TMEM132C: variants seen among roughly 807,000 people sequenced by gnomAD.
TMEM132C encodes transmembrane protein 132C.
A neutral mutation model predicts 61.4 loss-of-function variants in TMEM132C; 29 were observed. That is an observed-to-expected ratio of 0.47 (90% CI 0.35 to 0.64). TMEM132C has a LOEUF of 0.64. Among genes scored for constraint, TMEM132C ranks in the 30% least tolerant of loss-of-function variants. The pLI is 0.00. For synonymous variants in TMEM132C, 656 were observed against 633.1 expected (o/e 1.04, Z -0.54); for missense variants, 1,408 against 1,476.9 (o/e 0.95, Z 0.76).
chr12:128,553,741 C>T (rs946656780), intron 3 of TMEM132C, among the ~76,000 whole-genome samples: 6 of 152,166 alleles, frequency 3.9e-5, no homozygotes, highest in African/African-American at 1.4e-4. Context: ...ATTTCTAGTC[C>T]GAGTTTCTGC....
At chr12:128,672,555 C>T (rs1954542976) in intron 5 of TMEM132C, among the ~76,000 whole-genome samples, 1 of 152,112 alleles carries the variant, frequency 6.6e-6, no homozygotes, top group African/African-American at 2.4e-5. Context: ...CAGAAAATTG[C>T]CTCCTGAAAT....
intron 1 of TMEM132C, among the ~76,000 whole-genome samples, chr12:128,346,921 CTT>C (rs1873176797): frequency 1.3e-5 from 2 of 152,016 alleles, no homozygotes; most frequent in South Asian, 4.2e-4. Context: ...ATCAGGAACT[CTT>C]TTTATTTTAA....
In TMEM132C at chr12:128,495,354, G is replaced by T. The variant is rs185004596; in HGVS notation, c.975-48603G>T. 2.5e-3 allele frequency among the ~76,000 whole-genome samples: 382 copies of T among 152,134 alleles called. 2 individuals are homozygous for T. Among genetic ancestry groups the T allele is most frequent in the Non-Finnish European group, 4.5e-3 (304 of 67,996 alleles). On this transcript the variant is annotated intron_variant, in intron 2 of 8. Transcript: ENST00000435159. ...AGTTCTGTAGGTGTCTATTAGGTCC[G>T]CTTGGTGCAGAGCTGAGTTCAATTC...
At chr12:128,348,237 G>T (rs998503787) in intron 1 of TMEM132C, among the ~76,000 whole-genome samples, 1 of 152,106 alleles carries the variant, frequency 6.6e-6, no homozygotes, top group Non-Finnish European at 1.5e-5. Flanking sequence ...ATTTTGGATT[G>T]TTCATTGTAT....
Position 128,392,483 on chromosome 12 carries a change from T to A in TMEM132C, c.86-22249T>A, listed in dbSNP as rs1518377. 5.0e-3 allele frequency among the ~76,000 whole-genome samples: 757 copies of A among 151,478 alleles called. 9 individuals carry two copies. Among genetic ancestry groups the A allele is most frequent in the African/African-American group, 0.017 (716 of 41,234 alleles). ...TCTATTCCAGTTTCTCAAATAAGAT[T>A]TGAGTGTGAGAGAGCCTGACCCCAG... is the stretch of plus-strand genomic sequence containing the variant. On this transcript the variant is annotated intron_variant, in intron 1 of 8. Transcript: ENST00000435159.
At position 128,415,323 on chromosome 12, in the gene TMEM132C, T is replaced by C; in HGVS notation, c.677T>C (p.Val226Ala). ...ATGGACCAGCCGGAGGGGACCCCTG[T>C]GGAGCTCTACTACACCGTGCACCCA... ...KSMDQPEGTP[V>A]ELYYTVHPGN... The change falls in exon 2 of 9, where the codon GTG becomes GCG. Residue 226 changes from valine to alanine, a missense_variant. By Grantham distance (64) the Val-to-Ala change is moderately conservative. Coordinates refer to ENST00000435159, the MANE Select transcript of TMEM132C (RefSeq NM_001136103.3). The surrounding 1 kb of genome is among the most constrained non-coding windows in gnomAD (Gnocchi z 5.8). 6.3e-7 allele frequency: 1 copy of C among 1,590,400 alleles called. No individual in the cohort carries two copies. Among genetic ancestry groups the C allele is most frequent in the Non-Finnish European group, 8.6e-7 (1 of 1,167,842 alleles).
intron 5 of TMEM132C, among the ~76,000 whole-genome samples, chr12:128,686,653 G>T (rs1324090136): frequency 1.3e-5 from 2 of 152,118 alleles, no homozygotes; most frequent in African/African-American, 4.8e-5. Context: ...CAGTTTGCAA[G>T]CTCTGATTCA....
intron 1 of TMEM132C, among the ~76,000 whole-genome samples, chr12:128,294,696 A>G (rs927656832): frequency 1.1e-4 from 16 of 152,080 alleles, no homozygotes; most frequent in African/African-American, 3.9e-4. Context: ...GCTTCTCCCT[A>G]TGTCCTCTCA....
intron 1 of TMEM132C, among the ~76,000 whole-genome samples, chr12:128,382,844 G>A (rs562718321): frequency 6.6e-6 from 1 of 152,294 alleles, no homozygotes; most frequent in South Asian, 2.1e-4. Context: ...GTATATCTGA[G>A]TATGTATGTG....
intron 4 of TMEM132C, among the ~76,000 whole-genome samples, chr12:128,629,333 A>G (rs1954046325): frequency 1.3e-5 from 2 of 152,120 alleles, no homozygotes. Context: ...TGGGCAATAT[A>G]GTGAGACCTT....
chr12:128,350,746 G>T (rs1370069943), intron 1 of TMEM132C, among the ~76,000 whole-genome samples: 1 of 151,944 alleles, frequency 6.6e-6, no homozygotes, highest in East Asian at 1.9e-4. Flanking sequence ...CTGATGGTTA[G>T]CTGAGCGCTC....
chr12:128,447,657 A>C (rs577844617), intron 2 of TMEM132C, among the ~76,000 whole-genome samples: 1 of 150,438 alleles, frequency 6.6e-6, no homozygotes, highest in East Asian at 2.0e-4. Context: ...ATAAGCGAGT[A>C]AGAGTCAGAG....
At chr12:128,319,003 A>G (rs1346433012) in intron 1 of TMEM132C, among the ~76,000 whole-genome samples, 1 of 152,122 alleles carries the variant, frequency 6.6e-6, no homozygotes, top group African/African-American at 2.4e-5. Context: ...CCATCATGAC[A>G]GTTGGGTGGA....
At chr12:128,341,100 C>T (rs1435914829) in intron 1 of TMEM132C, among the ~76,000 whole-genome samples, 1 of 151,974 alleles carries the variant, frequency 6.6e-6, no homozygotes, top group Non-Finnish European at 1.5e-5. Context: ...ACTACCAGGA[C>T]CGGCTAGTTT....
intron 4 of TMEM132C, among the ~76,000 whole-genome samples, chr12:128,639,112 T>C (rs1389363849): frequency 6.7e-6 from 1 of 149,748 alleles, no homozygotes; most frequent in Non-Finnish European, 1.5e-5. Flanking sequence ...ATAATGACAG[T>C]GGTGATGATG....
In TMEM132C at chr12:128,515,615, C is replaced by T. The variant is rs369780552; in HGVS notation, c.975-28342C>T. On this transcript the variant is annotated intron_variant, in intron 2 of 8. Coordinates refer to ENST00000435159, the MANE Select transcript of TMEM132C (RefSeq NM_001136103.3). ...TTGGGAGGCCGAGGCGGGTGGATCA[C>T]GAGGTCAGGATATCGAGACCGTCCT... 1.9e-3 allele frequency among the ~76,000 whole-genome samples: 296 copies of T among 152,250 alleles called. 2 individuals carry two copies. The highest frequency in any genetic ancestry group is 3.4e-3 in the Middle Eastern group (1 of 294).
intron 8 of TMEM132C, among the ~76,000 whole-genome samples, chr12:128,699,365 T>C (rs970166511): frequency 6.6e-6 from 1 of 152,212 alleles, no homozygotes; most frequent in African/African-American, 2.4e-5. Context: ...CCTGAGTTCT[T>C]ACCAGGATGC....
chr12:128,649,788 C>T (rs1297211894), intron 4 of TMEM132C, among the ~76,000 whole-genome samples: 4 of 152,204 alleles, frequency 2.6e-5, no homozygotes, highest in African/African-American at 7.2e-5. Flanking sequence ...TCATTTATAG[C>T]ATGAGGCATT....
At chr12:128,402,128 G>A (rs553338205) in intron 1 of TMEM132C, among the ~76,000 whole-genome samples, 2 of 152,252 alleles carry the variant, frequency 1.3e-5, no homozygotes, top group Non-Finnish European at 1.5e-5. Context: ...ACTCCAAGCC[G>A]AGGACTGCAG....
Sources: allele counts gnomAD v4.1 joint callset (sites outside exome capture counted in the v4.1 genomes callset), GRCh38; gene constraint gnomAD v4.1.1; non-coding constraint Gnocchi (gnomAD v3.1); transcripts MANE v1.5; gene names NCBI Gene and HGNC (gene_info 2026-07-23, HGNC 2026-07-21).